AATK: variants seen among roughly 807,000 people sequenced by gnomAD.
AATK encodes the protein serine/threonine-protein kinase LMTK1.
A neutral mutation model predicts 114.3 loss-of-function variants in AATK; 91 were observed. The observed-to-expected ratio is 0.80, with a 90% confidence interval of 0.67 to 0.95. The LOEUF (loss-of-function observed/expected upper bound fraction) is 0.95, where lower values mean the gene tolerates loss of function less well. Among genes scored for constraint, AATK ranks in the 40% least tolerant of loss-of-function variants. AATK has a pLI of 0.00. For synonymous variants in AATK, 1,075 were observed against 916.5 expected (o/e 1.17, Z -3.12); for missense variants, 2,176 against 1,965.2 (o/e 1.11, Z -2.03).
rs1309579096 is a variant in AATK, at chr17:81,122,575, G to A, written c.1361C>T (p.Ala454Val). ...GCCGTCCGCGTGGAAGCCGTCGCCCGCGAACTGCTCCAGCAGCGGGAAGGA... is the reference window on the plus strand; with the variant it reads ...GCCGTCCGCGTGGAAGCCGTCGCCCACGAACTGCTCCAGCAGCGGGAAGGA... ...ASSFPLLEQFAGDGFHADGDD... is the reference protein window; with the variant it reads ...ASSFPLLEQFVGDGFHADGDD... Residue 454 changes from alanine (A) to valine (V), a missense_variant, in exon 11 of 14, where the codon GCG becomes GTG. This residue lies in a region of AATK where 1,701 missense variants were observed against 1,394.7 expected (regional missense o/e 1.22). Transcript: ENST00000326724. 3 of 1,459,014 alleles carry A rather than the reference G, an allele frequency of 2.1e-6. No homozygotes were observed. Among genetic ancestry groups the A allele is most frequent in the Non-Finnish European group, 2.7e-6 (3 of 1,098,716 alleles). 90.4% of individuals were successfully genotyped at this position (1,459,014 alleles called of 1,614,324 possible).
At chr17:81,119,870 T>C in intron 12 of AATK, 66 bp downstream of exon 12, 2 of 1,390,054 alleles carry the variant, frequency 1.4e-6, no homozygotes, top group South Asian at 1.6e-5. Context: ...AGGCCCCGCC[T>C]CCCACACAGC....
chr17:81,144,843 C>T (rs772050011), intron 1 of AATK, among the ~76,000 whole-genome samples: 10 of 152,190 alleles, frequency 6.6e-5, no homozygotes, highest in Non-Finnish European at 1.3e-4. Context: ...GCCCTTCCAG[C>T]GTCAAAAGCT....
In AATK at chr17:81,138,737, A is replaced by G. The variant is rs532197085; in HGVS notation, c.56-4236T>C. 1.7e-3 allele frequency among the ~76,000 whole-genome samples: 259 copies of G among 149,276 alleles called. 3 individuals carry two copies. Among genetic ancestry groups the G allele is most frequent in the African/African-American group, 5.9e-3 (239 of 40,446 alleles). ...CACGCGCAAACCCACACATGCGCGC[A>G]CACAGATACCAACACGCGCATGCAC... On this transcript the variant is annotated intron_variant, in intron 1 of 13. Coordinates refer to ENST00000326724, the MANE Select transcript of AATK (RefSeq NM_001080395.3).
At chr17:81,156,396 T>C (rs1416109884) in intron 1 of AATK, among the ~76,000 whole-genome samples, 2 of 152,172 alleles carry the variant, frequency 1.3e-5, no homozygotes, top group South Asian at 2.1e-4. Context: ...AAATAAATGT[T>C]TTTTGTTTTG....
intron 1 of AATK, among the ~76,000 whole-genome samples, chr17:81,152,034 G>A (rs2061305806): frequency 1.3e-5 from 2 of 152,238 alleles, no homozygotes; most frequent in Non-Finnish European, 2.9e-5. Context: ...CAGCACTTTG[G>A]GAGGCTGAGG....
chr17:81,154,078 AAAAACAAAAC>A (rs142504529), intron 1 of AATK, among the ~76,000 whole-genome samples: 10 of 151,330 alleles, frequency 6.6e-5, no homozygotes, highest in Non-Finnish European at 1.2e-4. Context: ...CTCCATCTCA[AAAAACAAAAC>A]AAAACAAAAC....
chr17:81,138,635 CCA>C (rs1368207910), intron 1 of AATK, among the ~76,000 whole-genome samples: 1 of 108,986 alleles, frequency 9.2e-6, no homozygotes, highest in Non-Finnish European at 2.1e-5. Flanking sequence ...ACACACATAT[CCA>C]CACATCCACA....
At chr17:81,145,246 A>G (rs1598958600) in intron 1 of AATK, among the ~76,000 whole-genome samples, 1 of 65,700 alleles carries the variant, frequency 1.5e-5, no homozygotes, top group Non-Finnish European at 3.1e-5. Context: ...AAAAAAAAAA[A>G]AAAAGAAAAA....
rs766396092 is a variant in AATK, at chr17:81,122,509, T to C, written c.1427A>G (p.Asn476Ser). The change falls in exon 11 of 14, where the codon AAT (asparagine) becomes AGT (serine). Residue 476 changes from asparagine to serine, a missense_variant. Physicochemically the swap from Asn to Ser is conservative, Grantham distance 46. Coordinates refer to ENST00000326724, the MANE Select transcript of AATK (RefSeq NM_001080395.3). The part of the protein sequence containing the change: ...LTVTETSRGL[N>S]FEYKWEAGRG... ...GCCCGCCTCCCACTTGTACTCAAAA[T>C]TGAGGCCTCGGCTGGTCTCGGTCAC... 8 of 1,474,896 alleles carry C rather than the reference T, an allele frequency of 5.4e-6. No individual in the cohort carries two copies. The highest frequency in any genetic ancestry group is 2.2e-5 in the Admixed American group (1 of 46,046). The allele number at this position is 1,474,896 out of a possible 1,614,324, so 91.4% of individuals were successfully genotyped here.
chr17:81,121,623 A>G lies in AATK; in HGVS notation c.2313T>C (p.Ser771=), dbSNP rs1242034799. 1.3e-6 allele frequency: 2 copies of G among 1,493,598 alleles called. No individual in the cohort carries two copies. Among genetic ancestry groups the G allele is most frequent in the Non-Finnish European group, 1.8e-6 (2 of 1,123,532 alleles). The allele number at this position is 1,493,598 out of a possible 1,614,324, so 92.5% of individuals were successfully genotyped here. A position where few individuals can be genotyped will look rare whatever the true frequency, so the allele number is the denominator to read the frequency against. ...GCTCTGCCTGCGGGTGGTCACCCCC[A>G]CTACTGGCTGTCTCTGTCCAGGAGG... ...VTPSWTETAS[S]GGDHPQAEPK... is the part of the protein sequence containing the mutation. Residue 771 remains serine (S), a synonymous_variant, in exon 11 of 14, where the codon AGT becomes AGC. Coordinates refer to ENST00000326724, the MANE Select transcript of AATK (RefSeq NM_001080395.3).
intron 3 of AATK, among the ~76,000 whole-genome samples, chr17:81,129,284 G>A (rs1210197613): frequency 6.6e-6 from 1 of 152,200 alleles, no homozygotes; most frequent in African/African-American, 2.4e-5. Flanking sequence ...GGCGGGGCAG[G>A]GCAGAATTGA....
chr17:81,143,233 G>T (rs545887494), intron 1 of AATK, among the ~76,000 whole-genome samples: 2 of 150,438 alleles, frequency 1.3e-5, no homozygotes, highest in African/African-American at 4.9e-5. Context: ...CGTCCCAGGC[G>T]GAAGCCGCCT....
chr17:81,119,992 G>A lies in AATK; in HGVS notation c.3827C>T (p.Ala1276Val), dbSNP rs1275846720. 1.4e-6 allele frequency: 2 copies of A among 1,447,156 alleles called. No individual in the cohort carries two copies. Among genetic ancestry groups the A allele is most frequent in the African/African-American group, 1.5e-5 (1 of 67,924 alleles). 89.6% of individuals were successfully genotyped at this position (1,447,156 alleles called of 1,614,324 possible). A position where few individuals can be genotyped will look rare whatever the true frequency, so the allele number is the denominator to read the frequency against. Reference sequence around the variant, plus strand: ...ATCAGCCTGCTGCGGCCGGTTGGGGGCGCTGGGAGAGCCGGGGCTCCCCCT... The same window carrying A: ...ATCAGCCTGCTGCGGCCGGTTGGGGACGCTGGGAGAGCCGGGGCTCCCCCT... ...FLRGSPGSPS[A>V]PNRPQQADGS... The change falls in exon 12 of 14, where the codon GCC becomes GTC. Residue 1276 changes from alanine (A) to valine (V), a missense_variant. Ala to Val is a moderately conservative substitution (Grantham distance 64). Around this residue, in one of 4 missense-constraint regions of AATK, gnomAD observed 1,701 missense variants for 1,394.7 expected, o/e 1.22. Transcript: ENST00000326724.
Position 81,118,365 on chromosome 17 carries a change from G to A in AATK, c.*37C>T. On this transcript the variant is annotated 3_prime_UTR_variant, in exon 14 of 14. Coordinates refer to ENST00000326724, the MANE Select transcript of AATK (RefSeq NM_001080395.3). ...TCGCTGCTGCCTGGCAGGGGCTCCG[G>A]TGACGCCAGCCTTGAGGGGCAGGAG... The A allele has an allele frequency of 6.3e-7, 1 of 1,585,824 alleles. No individual in the cohort carries two copies. Among genetic ancestry groups the A allele is most frequent in the Non-Finnish European group, 8.6e-7 (1 of 1,166,816 alleles).
chr17:81,129,823 C>T (rs1342092519), intron 3 of AATK, among the ~76,000 whole-genome samples: 1 of 152,204 alleles, frequency 6.6e-6, no homozygotes, highest in African/African-American at 2.4e-5. Flanking sequence ...CGGGAAGGTC[C>T]GAGGGCCTCA....
chr17:81,137,794 C>G (rs62075267), intron 1 of AATK, among the ~76,000 whole-genome samples: 2 of 151,998 alleles, frequency 1.3e-5, no homozygotes, highest in African/African-American at 4.8e-5. Flanking sequence ...ACACTATACA[C>G]AGGCCAAGAC....
chr17:81,145,245 A>AAAAAAG (rs1567822433), intron 1 of AATK, among the ~76,000 whole-genome samples: 132 of 132,080 alleles, frequency 1.0e-3, no homozygotes, highest in South Asian at 1.5e-3. Flanking sequence ...AAAAAAAAAA[A>AAAAAAG]AAAAAGAAAA....
At chr17:81,119,248 GGCCGGGAAGGAGCGGAGCGGA>G (rs2060645383) in intron 13 of AATK, 111 bp downstream of exon 13, 1 of 884,268 alleles carries the variant, frequency 1.1e-6, no homozygotes, top group Non-Finnish European at 1.5e-6. Flanking sequence ...GAAGGAGCGG[GGCCGGGAAGGAGCGGAGCGGA>G]GCGGAGCCGG....
rs531934171 is a variant in AATK at position 81,122,065 on chromosome 17, G to A, written c.1871C>T (p.Ala624Val). The A allele has an allele frequency of 2.5e-5, 39 of 1,591,608 alleles. No homozygotes were observed. The South Asian group carries it at 3.0e-4, about 12-fold the overall frequency. The change falls in exon 11 of 14, where the codon GCG becomes GTG. Residue 624 changes from alanine to valine, a missense_variant. Ala to Val is a moderately conservative substitution (Grantham distance 64). Around this residue, in one of 4 missense-constraint regions of AATK, gnomAD observed 1,701 missense variants for 1,394.7 expected, o/e 1.22. Coordinates refer to ENST00000326724, the MANE Select transcript of AATK (RefSeq NM_001080395.3). ...AGPLSLAEGGAEDADWGVAAF... is the reference protein window; with the variant it reads ...AGPLSLAEGGVEDADWGVAAF... ...GGCCACGCCCCAGTCTGCATCCTCC[G>A]CTCCTCCCTCCGCCAGACTCAGGGG... is the stretch of plus-strand genomic sequence containing the variant.
Sources: allele counts gnomAD v4.1 joint callset (sites outside exome capture counted in the v4.1 genomes callset), GRCh38; gene constraint gnomAD v4.1.1; regional missense constraint gnomAD v4.1.1; transcripts MANE v1.5; gene names NCBI Gene and HGNC (gene_info 2026-07-23, HGNC 2026-07-21).